CA10: variants seen among roughly 807,000 people sequenced by gnomAD.
CA10 encodes carbonic anhydrase-related protein 10.
A neutral mutation model predicts 44.2 loss-of-function variants in CA10; 14 were observed. The observed-to-expected ratio is 0.32, with a 90% confidence interval of 0.21 to 0.50. CA10 has a LOEUF of 0.50. CA10 is among the 20% of genes least tolerant of loss of function. The pLI, the probability that CA10 is intolerant of heterozygous loss-of-function variation, is 0.99. For synonymous variants in CA10, 159 were observed against 141.6 expected (o/e 1.12, Z -0.87); for missense variants, 350 against 409.7 (o/e 0.85, Z 1.26).
intron 1 of CA10, among the ~76,000 whole-genome samples, chr17:52,109,956 C>T (rs1598219622): frequency 6.6e-6 from 1 of 152,330 alleles, no homozygotes; most frequent in East Asian, 1.9e-4. Flanking sequence ...ATCATGATCA[C>T]AGAAGTTTTA....
intron 3 of CA10, among the ~76,000 whole-genome samples, chr17:51,801,318 G>C (rs115811520): frequency 6.6e-6 from 1 of 152,078 alleles, no homozygotes; most frequent in Non-Finnish European, 1.5e-5. Flanking sequence ...ACTTGTGGTC[G>C]TCAGTAAATC....
chr17:51,705,116 A>T (rs1169699965), intron 4 of CA10, among the ~76,000 whole-genome samples: 1 of 152,098 alleles, frequency 6.6e-6, no homozygotes, highest in Non-Finnish European at 1.5e-5. Context: ...TCTCCAGCTC[A>T]TTTTGTATTA....
chr17:52,129,235 G>T (rs1051593592), intron 1 of CA10, among the ~76,000 whole-genome samples: 1 of 152,060 alleles, frequency 6.6e-6, no homozygotes, highest in Non-Finnish European at 1.5e-5. Context: ...AATTATATAT[G>T]GTCTTATATT....
chr17:52,068,101 T>C (rs1165537969), intron 2 of CA10, among the ~76,000 whole-genome samples: 2 of 152,158 alleles, frequency 1.3e-5, no homozygotes, highest in African/African-American at 4.8e-5. Context: ...AGGTTTAGGC[T>C]TTGTGTCCCC....
intron 3 of CA10, among the ~76,000 whole-genome samples, chr17:51,891,214 G>C (rs891389219): frequency 6.6e-6 from 1 of 152,144 alleles, no homozygotes; most frequent in Non-Finnish European, 1.5e-5. Context: ...GACTGAGGTG[G>C]TGTGTGTGAT....
intron 2 of CA10, among the ~76,000 whole-genome samples, chr17:52,040,244 T>C (rs1986732514): frequency 6.6e-6 from 1 of 151,414 alleles, no homozygotes; most frequent in Non-Finnish European, 1.5e-5. Flanking sequence ...CTCATCTTCA[T>C]CTGTAAACAT....
chr17:52,140,369 C>A (rs1989451608), intron 1 of CA10, among the ~76,000 whole-genome samples: 1 of 152,152 alleles, frequency 6.6e-6, no homozygotes, highest in Non-Finnish European at 1.5e-5. Flanking sequence ...TGCAGCTACT[C>A]AACTTTGCCC....
At chr17:51,719,356 C>T (rs908226472) in intron 4 of CA10, among the ~76,000 whole-genome samples, 26 of 152,228 alleles carry the variant, frequency 1.7e-4, no homozygotes, top group Non-Finnish European at 7.4e-5. Flanking sequence ...ACCTGAGGTT[C>T]GCTTGTTGCT....
At chr17:52,153,387 G>A (rs1026857581) in intron 1 of CA10, among the ~76,000 whole-genome samples, 11 of 152,114 alleles carry the variant, frequency 7.2e-5, no homozygotes, top group Non-Finnish European at 1.3e-4. Flanking sequence ...GTTTGCCAGT[G>A]TTGAGGCACT....
At chr17:51,869,296 C>T (rs930709988) in intron 3 of CA10, among the ~76,000 whole-genome samples, 8 of 152,228 alleles carry the variant, frequency 5.3e-5, no homozygotes, top group Admixed American at 3.9e-4. Flanking sequence ...GAAAAGACCC[C>T]AATGTCATGG....
intron 4 of CA10, among the ~76,000 whole-genome samples, chr17:51,743,599 C>T (rs578144686): frequency 1.3e-5 from 2 of 152,206 alleles, no homozygotes; most frequent in African/African-American, 4.8e-5. Flanking sequence ...CCATCAATTA[C>T]AATAACCTCA....
chr17:51,949,579 G>A (rs1305773200), intron 2 of CA10, among the ~76,000 whole-genome samples: 2 of 152,146 alleles, frequency 1.3e-5, no homozygotes, highest in African/African-American at 4.8e-5. Context: ...AAGGAGGTTA[G>A]TCTCTCACTG....
intron 4 of CA10, among the ~76,000 whole-genome samples, chr17:51,660,512 T>TCTC (rs1319252270): frequency 6.6e-6 from 1 of 152,166 alleles, no homozygotes; most frequent in East Asian, 1.9e-4. Context: ...GTTGCACAGG[T>TCTC]CTCAGAGTTT....
chr17:51,969,826 C>T (rs1984215651), intron 2 of CA10, among the ~76,000 whole-genome samples: 1 of 151,826 alleles, frequency 6.6e-6, no homozygotes, highest in Non-Finnish European at 1.5e-5. Context: ...CAGAGGCAAA[C>T]AGTACTAACA....
At chr17:51,838,984 T>G (rs975662093) in intron 3 of CA10, among the ~76,000 whole-genome samples, 2 of 152,240 alleles carry the variant, frequency 1.3e-5, no homozygotes, top group African/African-American at 4.8e-5. Flanking sequence ...AGTCAGAGAT[T>G]GATTTTGTTT....
In CA10 at chr17:51,725,652, T is replaced by G. The variant is rs112848546; in HGVS notation, c.465+21981A>C. ...CTCCTTCTCCAGCATCCTGGGGGGG[T>G]GTGTCAGCTCACTGAGAGAGACCCT... On this transcript the variant is annotated intron_variant, in intron 4 of 8. Coordinates refer to ENST00000451037, the MANE Select transcript of CA10 (RefSeq NM_020178.5). Among the ~76,000 whole-genome samples, 190 of 152,148 alleles carry G rather than the reference T, an allele frequency of 1.2e-3. 1 individual carries two copies. The highest frequency in any genetic ancestry group is 2.1e-3 in the Non-Finnish European group (140 of 67,992).
intron 2 of CA10, among the ~76,000 whole-genome samples, chr17:52,039,463 ATC>A (rs1299007972): frequency 2.0e-5 from 3 of 152,072 alleles, no homozygotes; most frequent in Admixed American, 1.3e-4. Context: ...ACCAGCAGGA[ATC>A]TCTATCCAAA....
At chr17:51,821,507 T>G (rs1198014442) in intron 3 of CA10, among the ~76,000 whole-genome samples, 1 of 152,036 alleles carries the variant, frequency 6.6e-6, no homozygotes, top group Non-Finnish European at 1.5e-5. Flanking sequence ...TCCAAATGAT[T>G]ACCAGCTCTC....
chr17:52,036,612 A>G (rs960168887), intron 2 of CA10, among the ~76,000 whole-genome samples: 1 of 152,194 alleles, frequency 6.6e-6, no homozygotes, highest in African/African-American at 2.4e-5. Flanking sequence ...GAGAAGCAAC[A>G]TGGCATCATG....
Sources: allele counts gnomAD v4.1 joint callset (sites outside exome capture counted in the v4.1 genomes callset), GRCh38; gene constraint gnomAD v4.1.1; transcripts MANE v1.5; gene names NCBI Gene and HGNC (gene_info 2026-07-23, HGNC 2026-07-21).